Variants in CSGALNACT1 observed in about 807,000 individuals in gnomAD.
CSGALNACT1 encodes beta4GalNAcT-1.
CSGALNACT1 carries 52 observed loss-of-function variants against 51.0 expected under a neutral mutation model. The ratio of observed to expected loss-of-function variants is 1.02; its 90% confidence interval spans 0.82 to 1.29. The LOEUF is 1.29. Ranked by LOEUF, CSGALNACT1 falls within the 50% of genes most tolerant of loss-of-function variation. The pLI is 0.00. For synonymous variants in CSGALNACT1, 341 were observed against 254.4 expected (o/e 1.34, Z -3.24); for missense variants, 935 against 679.2 (o/e 1.38, Z -4.19).
At chr8:19,505,338 T>TGGC in exon 4 of CSGALNACT1, 1 of 1,614,092 alleles carries the variant, frequency 6.2e-7, no homozygotes, top group Non-Finnish European at 8.5e-7. Flanking sequence ...CTCCTCGGGG[T>TGGC]GGCGGGTAAG....
chr8:19,757,068 A>C lies in CSGALNACT1; in HGVS notation c.-297+782T>G, dbSNP rs1026066231. The stretch of plus-strand genomic sequence containing the variant: ...CTCCGCAGCTGCACGAGCCACCCCG[A>C]GGTCGCGGGGTGGGCGGGCGCGAGC... On this transcript the variant is annotated intron_variant, in intron 1 of 1. Coordinates refer to the CSGALNACT1 transcript ENST00000517494. This position sits in a 1 kb window ranked among gnomAD's most constrained non-coding sequence, Gnocchi z 4.0. The C allele has an allele frequency of 1.3e-5, 2 of 150,220 alleles. No individual in the cohort carries two copies. Among genetic ancestry groups the C allele is most frequent in the Non-Finnish European group, 3.0e-5 (2 of 67,428 alleles). 9.3% of individuals were successfully genotyped at this position (150,220 alleles called of 1,614,324 possible). A position where few individuals can be genotyped will look rare whatever the true frequency, so the allele number is the denominator to read the frequency against.
chr8:19,739,091 G>A (rs915579944), intron 1 of CSGALNACT1, among the ~76,000 whole-genome samples: 7 of 151,672 alleles, frequency 4.6e-5, no homozygotes, highest in Admixed American at 1.3e-4. Context: ...CAGCATGGTG[G>A]TTATGTACAA....
chr8:19,732,921 T>G (rs149819205), intron 1 of CSGALNACT1, among the ~76,000 whole-genome samples: 77 of 152,348 alleles, frequency 5.1e-4, no homozygotes, highest in African/African-American at 1.8e-3. Context: ...TTTTTAAAAG[T>G]AGAACATGTC....
intron 1 of CSGALNACT1, among the ~76,000 whole-genome samples, chr8:19,653,956 C>G (rs2058048330): frequency 1.3e-5 from 2 of 152,178 alleles, no homozygotes; most frequent in Admixed American, 6.5e-5. Flanking sequence ...TCCCCTCTCC[C>G]CTTCCTTGCA....
At chr8:19,572,627 T>C (rs2043271460) in intron 3 of CSGALNACT1, among the ~76,000 whole-genome samples, 1 of 152,206 alleles carries the variant, frequency 6.6e-6, no homozygotes, top group South Asian at 2.1e-4. Context: ...ACTAATTCTA[T>C]CTACCCACCT....
rs1313109637 is a variant in CSGALNACT1, at chr8:19,451,694, C to T, written c.851+6732G>A. 5.9e-5 allele frequency among the ~76,000 whole-genome samples: 9 copies of T among 152,166 alleles called. No individual in the cohort carries two copies. The East Asian group carries it at 1.5e-3, about 26-fold the overall frequency. ...CCAGGGCTGCTCTTTCTTGGGAATT[C>T]CAGGCTCCACATCTCTTCCTTCTGT... On this transcript the variant is annotated intron_variant, in intron 5 of 9. Coordinates refer to ENST00000454498, the Ensembl canonical transcript of CSGALNACT1.
At chr8:19,477,236 G>A (rs938549322) in intron 4 of CSGALNACT1, among the ~76,000 whole-genome samples, 17 of 152,160 alleles carry the variant, frequency 1.1e-4, no homozygotes, top group African/African-American at 4.1e-4. Flanking sequence ...GGCATGCGCT[G>A]GAACATAAGG....
intron 3 of CSGALNACT1, among the ~76,000 whole-genome samples, chr8:19,586,775 A>G (rs2046748871): frequency 6.6e-6 from 1 of 152,220 alleles, no homozygotes; most frequent in South Asian, 2.1e-4. Flanking sequence ...TGTGGAGAAG[A>G]AAACTGGGAA....
At chr8:19,574,588 C>T (rs529882462) in intron 3 of CSGALNACT1, among the ~76,000 whole-genome samples, 57 of 152,288 alleles carry the variant, frequency 3.7e-4, no homozygotes, top group African/African-American at 1.2e-3. Flanking sequence ...ACTAAAGCCA[C>T]AGCCAGCCCA....
intron 1 of CSGALNACT1, among the ~76,000 whole-genome samples, chr8:19,655,906 T>C (rs1448541492): frequency 2.0e-5 from 3 of 152,188 alleles, no homozygotes; most frequent in Admixed American, 2.0e-4. Context: ...GTGATCAATG[T>C]GCCACTACTA....
intron 4 of CSGALNACT1, among the ~76,000 whole-genome samples, chr8:19,471,301 T>A (rs1428885370): frequency 6.6e-6 from 1 of 152,006 alleles, no homozygotes; most frequent in Non-Finnish European, 1.5e-5. Context: ...AAGGGGTGAA[T>A]CATGGGGAAG....
intron 3 of CSGALNACT1, among the ~76,000 whole-genome samples, chr8:19,577,041 C>A (rs1016241532): frequency 5.9e-5 from 9 of 151,786 alleles, no homozygotes; most frequent in Non-Finnish European, 1.2e-4. Flanking sequence ...CATCCAAACC[C>A]CCTTAGACTC....
At chr8:19,632,534 T>C (rs1183566880) in intron 1 of CSGALNACT1, among the ~76,000 whole-genome samples, 2 of 152,112 alleles carry the variant, frequency 1.3e-5, no homozygotes, top group Admixed American at 6.5e-5. Context: ...CGGTTTTTAA[T>C]TGCTGCATTT....
intron 6 of CSGALNACT1, among the ~76,000 whole-genome samples, chr8:19,433,025 T>C (rs1196798635): frequency 6.6e-6 from 1 of 152,200 alleles, no homozygotes; most frequent in Non-Finnish European, 1.5e-5. Context: ...AATTGAACAT[T>C]TAAAAAAATG....
At chr8:19,638,715 A>C (rs1209561144) in intron 1 of CSGALNACT1, among the ~76,000 whole-genome samples, 1 of 152,192 alleles carries the variant, frequency 6.6e-6, no homozygotes, top group East Asian at 1.9e-4. Flanking sequence ...ATCCTGTTCT[A>C]TAGTCACTGG....
intron 1 of CSGALNACT1, among the ~76,000 whole-genome samples, chr8:19,720,362 T>G (rs2063053530): frequency 6.6e-6 from 1 of 152,148 alleles, no homozygotes; most frequent in Admixed American, 6.5e-5. Context: ...GGAGGAATAA[T>G]CATAAAGCCT....
chr8:19,549,155 G>C (rs569448179), intron 3 of CSGALNACT1, among the ~76,000 whole-genome samples: 7 of 151,814 alleles, frequency 4.6e-5, no homozygotes, highest in Non-Finnish European at 1.0e-4. Flanking sequence ...TGGTATCCCA[G>C]TGTGGAAGAT....
intron 1 of CSGALNACT1, among the ~76,000 whole-genome samples, chr8:19,706,607 G>A (rs963704964): frequency 2.6e-5 from 4 of 152,154 alleles, no homozygotes; most frequent in Admixed American, 2.6e-4. Flanking sequence ...TGGGGAACAA[G>A]TAAATAGCAA....
chr8:19,661,224 G>A (rs777390225), intron 1 of CSGALNACT1, among the ~76,000 whole-genome samples: 3 of 151,974 alleles, frequency 2.0e-5, no homozygotes, highest in African/African-American at 4.8e-5. Context: ...GGACCATTCA[G>A]TTCTGTCACC....
Sources: allele counts gnomAD v4.1 joint callset (sites outside exome capture counted in the v4.1 genomes callset), GRCh38; gene constraint gnomAD v4.1.1; non-coding constraint Gnocchi (gnomAD v3.1); transcripts MANE v1.5; gene names NCBI Gene and HGNC (gene_info 2026-07-23, HGNC 2026-07-21).